The following DMD variants were observed in gnomAD, a reference collection of about 807,000 sequenced individuals.
DMD encodes the protein mutant dystrophin.
In DMD, 63 loss-of-function variants were observed where a neutral mutation model predicts 330.1. The ratio of observed to expected loss-of-function variants is 0.19; its 90% CI spans 0.16 to 0.24. DMD has a LOEUF of 0.24. Ranked by LOEUF, DMD falls within the 10% of genes least tolerant of loss-of-function variation. The pLI, the probability that DMD is intolerant of heterozygous loss-of-function variation, is 1.00. For synonymous variants in DMD, 1,223 were observed against 959.8 expected, an observed-to-expected ratio of 1.27 and a Z score of -5.07; for missense variants, 3,344 against 2,684.1, an observed-to-expected ratio of 1.25 and a Z score of -5.43.
intron 7 of DMD, among the ~76,000 whole-genome samples, chrX:32,774,467 G>A (rs554118557): frequency 9.0e-6 from 1 of 111,584 alleles, no homozygotes; most frequent in African/African-American, 3.3e-5. Flanking sequence ...CTGAGACTGG[G>A]TAATTTAGAA....
intron 1 of DMD, among the ~76,000 whole-genome samples, chrX:33,074,414 T>C (rs1030293526): frequency 8.6e-5 from 7 of 81,637 alleles, no homozygotes; most frequent in African/African-American, 3.0e-4. Flanking sequence ...TTTAACACTA[T>C]ATTTTTTTTT....
At chrX:31,396,428 C>G (rs775921988) in intron 60 of DMD, among the ~76,000 whole-genome samples, 5 of 111,386 alleles carry the variant, frequency 4.5e-5, no homozygotes, top group Non-Finnish European at 7.5e-5. Flanking sequence ...TGAGCCACCG[C>G]GCCCGGCCCA....
At chrX:32,465,129 T>C (rs1185878104) in intron 23 of DMD, among the ~76,000 whole-genome samples, 1 of 112,232 alleles carries the variant, frequency 8.9e-6, no homozygotes, top group Non-Finnish European at 1.9e-5. Flanking sequence ...TTTCTACAGA[T>C]GACAGTTTAA....
chrX:31,816,348 A>C (rs1430768353), intron 50 of DMD, among the ~76,000 whole-genome samples: 1 of 111,635 alleles, frequency 9.0e-6, no homozygotes, highest in Non-Finnish European at 1.9e-5. Flanking sequence ...AGTGTTCATA[A>C]AACAAAACAA....
intron 60 of DMD, among the ~76,000 whole-genome samples, chrX:31,399,788 C>G (rs769528052): frequency 4.5e-5 from 5 of 111,168 alleles, no homozygotes; most frequent in Non-Finnish European, 7.5e-5. Context: ...CATTAGAAGG[C>G]CAAATCATTA....
At chrX:31,995,026 T>C (rs893260827) in intron 44 of DMD, among the ~76,000 whole-genome samples, 20 of 111,978 alleles carry the variant, frequency 1.8e-4, no homozygotes, top group African/African-American at 6.5e-4. Flanking sequence ...TTTTGAGCCA[T>C]CTGGGCAATA....
At chrX:32,702,124 A>C (rs1198861000) in intron 7 of DMD, among the ~76,000 whole-genome samples, 1 of 112,304 alleles carries the variant, frequency 8.9e-6, no homozygotes, top group Admixed American at 9.5e-5. Flanking sequence ...TATCCAGGAA[A>C]TTTGAAAGAT....
At chrX:32,766,136 T>A (rs781296709) in intron 7 of DMD, among the ~76,000 whole-genome samples, 113 of 111,440 alleles carry the variant, frequency 1.0e-3, no homozygotes, top group Non-Finnish European at 1.9e-3. Flanking sequence ...CGTATGACCC[T>A]TCAACTTCAT....
chrX:32,874,706 T>C (rs5928099), intron 2 of DMD, among the ~76,000 whole-genome samples: 36,118 of 110,852 alleles, frequency 0.33, 4,235 homozygotes, highest in South Asian at 0.45. Context: ...TATGATGTTA[T>C]AGGTCTTCCA....
chrX:33,330,409 G>A (rs761475366), intron 1 of DMD, among the ~76,000 whole-genome samples: 9 of 111,570 alleles, frequency 8.1e-5, no homozygotes, highest in Non-Finnish European at 1.7e-4. Flanking sequence ...GCCCTCCTTT[G>A]TAACCTCTGA....
chrX:33,070,687 A>C (rs773061248), intron 1 of DMD, among the ~76,000 whole-genome samples: 3,270 of 77,150 alleles, frequency 0.042, 73 homozygotes, highest in African/African-American at 0.048. Context: ...ATATATATAT[A>C]TATATATATA....
chrX:33,026,894 G>C lies in DMD; in HGVS notation c.32-6694C>G, dbSNP rs137872518. On this transcript the variant is annotated intron_variant, in intron 1 of 78. Transcript: ENST00000357033. ...GAGAGTGACTGTCTGGATCAGAGCT[G>C]TAATCCCAGCACTTAGCATAGAATG... Among the ~76,000 whole-genome samples, 747 of 112,127 alleles carry C rather than the reference G, an allele frequency of 6.7e-3. 9 individuals carry two copies. Among genetic ancestry groups the C allele is most frequent in the East Asian group, 0.054 (190 of 3,535 alleles).
chrX:32,345,906 C>T (rs750566076), intron 39 of DMD, 37 bp downstream of exon 39: 3 of 1,193,079 alleles, frequency 2.5e-6, no homozygotes, highest in Admixed American at 2.2e-5. Context: ...TAAAAAAAAA[C>T]CACAGGCAAG....
chrX:31,449,813 TAGAA>T (rs10585810), intron 59 of DMD, among the ~76,000 whole-genome samples: 1,141 of 96,783 alleles, frequency 0.012, 23 homozygotes, highest in African/African-American at 0.04. Context: ...GATAGATAGA[TAGAA>T]ATCTGGCTAT....
intron 44 of DMD, among the ~76,000 whole-genome samples, chrX:32,151,759 T>A (rs1351775078): frequency 8.9e-6 from 1 of 112,107 alleles, no homozygotes; most frequent in East Asian, 2.8e-4. Flanking sequence ...ATTGTAGTTT[T>A]ACTTATCCTC....
chrX:31,961,035 C>G (rs1376405461), intron 45 of DMD, among the ~76,000 whole-genome samples: 1 of 111,984 alleles, frequency 8.9e-6, no homozygotes, highest in Non-Finnish European at 1.9e-5. Context: ...CTGCTTAATT[C>G]ACTTAAAAGG....
intron 1 of DMD, among the ~76,000 whole-genome samples, chrX:33,200,046 G>A (rs1189759241): frequency 9.0e-6 from 1 of 111,421 alleles, no homozygotes; most frequent in African/African-American, 3.3e-5. Context: ...GAGATAGAAA[G>A]AAGATAATAC....
chrX:33,058,143 G>A (rs758893307), intron 1 of DMD, among the ~76,000 whole-genome samples: 1 of 112,352 alleles, frequency 8.9e-6, no homozygotes, highest in African/African-American at 3.2e-5. Context: ...GCCTCCCAAA[G>A]TGCTAGGATT....
At chrX:33,095,817 A>T (rs777272465) in intron 1 of DMD, among the ~76,000 whole-genome samples, 1 of 111,122 alleles carries the variant, frequency 9.0e-6, no homozygotes, top group South Asian at 3.8e-4. Context: ...ATCAATCTCA[A>T]TTTATTTATC....
Sources: gnomAD v4.1 joint callset for allele counts (sites outside exome capture counted in the v4.1 genomes callset) on GRCh38, gnomAD v4.1.1 for gene constraint, MANE v1.5 for transcripts, NCBI Gene and HGNC (gene_info 2026-07-23, HGNC 2026-07-21) for gene names.